Variants in ROBO2 observed in about 807,000 individuals in gnomAD.
The protein encoded by ROBO2 is roundabout homolog 2.
Under a neutral mutation model 160.8 loss-of-function variants are expected in ROBO2, and 53 were observed. That is an observed-to-expected ratio of 0.33 (90% CI 0.26 to 0.41). The LOEUF is 0.41. Ranked by LOEUF, ROBO2 falls within the 10% of genes least tolerant of loss-of-function variation. The pLI is 1.00. For missense variants in ROBO2, 1,577 were observed against 1,722.4 expected (o/e 0.92, Z 1.49); for synonymous variants, 664 against 611.7 (o/e 1.09, Z -1.26).
intron 2 of ROBO2, among the ~76,000 whole-genome samples, chr3:77,461,884 C>A (rs573120829): frequency 6.6e-6 from 1 of 152,122 alleles, no homozygotes. Context: ...TGCCACCACA[C>A]CCAGCTAATT....
At chr3:76,969,328 C>T (rs2059458347) in intron 2 of ROBO2, among the ~76,000 whole-genome samples, 1 of 152,140 alleles carries the variant, frequency 6.6e-6, no homozygotes, top group Non-Finnish European at 1.5e-5. Flanking sequence ...TATGGCTTCT[C>T]TCATTATACT....
At chr3:76,908,105 G>T (rs2075737933) in intron 2 of ROBO2, among the ~76,000 whole-genome samples, 1 of 152,052 alleles carries the variant, frequency 6.6e-6, no homozygotes, top group African/African-American at 2.4e-5. Context: ...TTCCCAAAGT[G>T]CTAGGATTAC....
intron 2 of ROBO2, among the ~76,000 whole-genome samples, chr3:76,109,545 T>C (rs1462521485): frequency 6.6e-6 from 1 of 152,110 alleles, no homozygotes; most frequent in African/African-American, 2.4e-5. Flanking sequence ...CGTAATCATT[T>C]ACTGAGAATG....
intron 2 of ROBO2, among the ~76,000 whole-genome samples, chr3:77,254,130 G>T (rs955081132): frequency 4.6e-5 from 7 of 152,174 alleles, no homozygotes; most frequent in African/African-American, 1.7e-4. Context: ...AAATTAGCCA[G>T]GTATGGTGGT....
In ROBO2 at chr3:76,634,517, G is replaced by A. The variant is rs905290295; in HGVS notation, c.110-463497G>A. On this transcript the variant is annotated intron_variant, in intron 2 of 26. Coordinates refer to the ROBO2 transcript ENST00000487694. Reference sequence around the variant, plus strand: ...TGGGAGGCAGGGGTTGCAGTGAGCCGAGATCGCGCCACTGCACTCCAGCCT... The same window carrying A: ...TGGGAGGCAGGGGTTGCAGTGAGCCAAGATCGCGCCACTGCACTCCAGCCT... 3.3e-5 allele frequency among the ~76,000 whole-genome samples: 5 copies of A among 151,710 alleles called. No homozygotes were observed. The East Asian group carries it at 7.8e-4, about 24-fold the overall frequency.
intron 2 of ROBO2, among the ~76,000 whole-genome samples, chr3:76,285,812 G>A (rs1708478485): frequency 6.6e-6 from 1 of 151,974 alleles, no homozygotes. Context: ...TATATCTTAA[G>A]CAGCATCTTC....
intron 2 of ROBO2, chr3:77,317,502 TC>T: frequency 6.8e-7 from 1 of 1,468,200 alleles, no homozygotes; most frequent in Non-Finnish European, 9.4e-7. Context: ...CGATCCATCC[TC>T]AGATTTCGTT....
chr3:76,964,082 A>G (rs1254913598), intron 2 of ROBO2, among the ~76,000 whole-genome samples: 1 of 152,114 alleles, frequency 6.6e-6, no homozygotes, highest in Non-Finnish European at 1.5e-5. Context: ...TGAATAACAG[A>G]TTAGACAATG....
At chr3:76,729,663 T>C (rs1021718765) in intron 2 of ROBO2, among the ~76,000 whole-genome samples, 1 of 149,032 alleles carries the variant, frequency 6.7e-6, no homozygotes, top group Middle Eastern at 3.5e-3. Context: ...TTTGAGACAG[T>C]GTCTCACTCT....
At chr3:76,950,407 T>C (rs2078886696) in intron 2 of ROBO2, among the ~76,000 whole-genome samples, 1 of 152,252 alleles carries the variant, frequency 6.6e-6, no homozygotes, top group Non-Finnish European at 1.5e-5. Context: ...GACACACTTA[T>C]ACATCAAACT....
chr3:77,154,494 C>G (rs779678705), intron 2 of ROBO2, among the ~76,000 whole-genome samples: 1 of 151,900 alleles, frequency 6.6e-6, no homozygotes, highest in African/African-American at 2.4e-5. Flanking sequence ...ACAGAATGAC[C>G]ATTCAAACCA....
chr3:76,798,264 GAAAGAA>G (rs1360307459), intron 2 of ROBO2, among the ~76,000 whole-genome samples: 8 of 105,352 alleles, frequency 7.6e-5, no homozygotes, highest in African/African-American at 2.0e-4. Flanking sequence ...AAGAAGGAAA[GAAAGAA>G]AGAAAGAAAG....
At chr3:76,397,093 C>T (rs967464339) in intron 2 of ROBO2, among the ~76,000 whole-genome samples, 1 of 152,124 alleles carries the variant, frequency 6.6e-6, no homozygotes, top group Admixed American at 6.5e-5. Context: ...GCTACAGTAA[C>T]CAAAACGGCA....
intron 2 of ROBO2, among the ~76,000 whole-genome samples, chr3:76,094,400 T>G (rs2069357030): frequency 2.0e-5 from 3 of 152,164 alleles, no homozygotes; most frequent in Admixed American, 2.0e-4. Flanking sequence ...AGACATGTGT[T>G]TGAGATTTTG....
At chr3:75,942,253 A>C (rs62269824) in intron 2 of ROBO2, among the ~76,000 whole-genome samples, 1 of 152,072 alleles carries the variant, frequency 6.6e-6, no homozygotes, top group African/African-American at 2.4e-5. Flanking sequence ...CCTAGAGTTT[A>C]TGTTTTGTGA....
At chr3:77,387,550 G>A (rs976948978) in intron 2 of ROBO2, among the ~76,000 whole-genome samples, 6 of 151,478 alleles carry the variant, frequency 4.0e-5, no homozygotes, top group African/African-American at 1.5e-4. Context: ...TGAAACTGCT[G>A]CCTGAAATTT....
intron 2 of ROBO2, among the ~76,000 whole-genome samples, chr3:76,079,046 A>G (rs1485152686): frequency 6.6e-6 from 1 of 152,224 alleles, no homozygotes; most frequent in Non-Finnish European, 1.5e-5. Flanking sequence ...GAAATGAGCT[A>G]GGCACAGAAT....
intron 2 of ROBO2, among the ~76,000 whole-genome samples, chr3:76,773,178 T>A (rs1280464243): frequency 6.6e-6 from 1 of 151,064 alleles, no homozygotes; most frequent in African/African-American, 2.4e-5. Context: ...CAGCATTTAG[T>A]CACAACATGA....
At chr3:77,532,800 C>T (rs1056481175) in intron 6 of ROBO2, among the ~76,000 whole-genome samples, 7 of 148,338 alleles carry the variant, frequency 4.7e-5, no homozygotes, top group African/African-American at 1.7e-4. Context: ...GCCTTTGTAA[C>T]CCTTTTTTCG....
Sources: gnomAD v4.1 joint callset for allele counts (sites outside exome capture counted in the v4.1 genomes callset) on GRCh38, gnomAD v4.1.1 for gene constraint, MANE v1.5 for transcripts, NCBI Gene and HGNC (gene_info 2026-07-23, HGNC 2026-07-21) for gene names.